ANK2: variants seen among roughly 807,000 people sequenced by gnomAD.
ANK2 encodes the protein ankyrin-2.
A neutral mutation model predicts 360.5 loss-of-function variants in ANK2; 83 were observed. The ratio of observed to expected loss-of-function variants is 0.23; its 90% CI spans 0.19 to 0.28. The LOEUF is 0.28. Among genes scored for constraint, ANK2 ranks in the 10% least tolerant of loss-of-function variants. The pLI is 1.00. For missense variants in ANK2, 4,201 were observed against 4,795.7 expected, an observed-to-expected ratio of 0.88 and a Z score of 3.66; for synonymous variants, 1,740 against 1,759.5, an observed-to-expected ratio of 0.99 and a Z score of 0.28.
intron 2 of ANK2, among the ~76,000 whole-genome samples, chr4:113,180,093 T>A (rs1318972294): frequency 6.6e-6 from 1 of 152,234 alleles, no homozygotes; most frequent in Non-Finnish European, 1.5e-5. Context: ...TTCAAAACAA[T>A]ATTAATGTTC....
At chr4:113,231,240 G>C (rs552291030) in intron 4 of ANK2, among the ~76,000 whole-genome samples, 38 of 151,938 alleles carry the variant, frequency 2.5e-4, no homozygotes, top group African/African-American at 5.8e-4. Context: ...TTTTAGTAGA[G>C]ACAGGGTTTC....
At chr4:112,843,632 C>T (rs560636723) in intron 1 of ANK2, among the ~76,000 whole-genome samples, 1 of 152,116 alleles carries the variant, frequency 6.6e-6, no homozygotes, top group South Asian at 2.1e-4. Flanking sequence ...GGAAAAAATG[C>T]AATTTTTCCC....
chr4:113,327,743 C>CA (rs1378212721), intron 26 of ANK2, among the ~76,000 whole-genome samples: 3 of 152,202 alleles, frequency 2.0e-5, no homozygotes, highest in African/African-American at 7.2e-5. Flanking sequence ...CATGTGACAT[C>CA]TGGGGCTTAC....
At chr4:112,816,974 G>A (rs1043739103), upstream of ANK2, among the ~76,000 whole-genome samples, 2 of 152,202 alleles carry the variant, frequency 1.3e-5, no homozygotes, top group Non-Finnish European at 2.9e-5. Flanking sequence ...TTGTGCCACT[G>A]CACTTCAGCC....
intron 2 of ANK2, among the ~76,000 whole-genome samples, chr4:112,929,754 A>C (rs1397643879): frequency 6.6e-6 from 1 of 152,164 alleles, no homozygotes; most frequent in African/African-American, 2.4e-5. Context: ...TCACTCTCAC[A>C]ATCTGCACTG....
intron 24 of ANK2, among the ~76,000 whole-genome samples, chr4:113,312,285 AAAAAAAAG>A (rs928363203): frequency 1.6e-4 from 24 of 151,806 alleles, no homozygotes; most frequent in African/African-American, 5.3e-4. Context: ...GACAGAAAAA[AAAAAAAAG>A]AAAAGAAAAG....
chr4:113,043,044 G>C (rs1190209942), intron 2 of ANK2, among the ~76,000 whole-genome samples: 1 of 152,074 alleles, frequency 6.6e-6, no homozygotes, highest in Non-Finnish European at 1.5e-5. Context: ...AACTAGCATG[G>C]GGTCCAGCAT....
chr4:113,159,698 T>G (rs1283104716), intron 1 of ANK2, among the ~76,000 whole-genome samples: 1 of 151,958 alleles, frequency 6.6e-6, no homozygotes, highest in Admixed American at 6.6e-5. Context: ...AAACTTTGCC[T>G]CCCGGGTTCA....
chr4:113,034,372 A>T, intron 2 of ANK2, among the ~76,000 whole-genome samples: 1 of 152,040 alleles, frequency 6.6e-6, no homozygotes, highest in East Asian at 1.9e-4. Flanking sequence ...ATTGATCAAG[A>T]AATACACACT....
At chr4:113,300,183 C>T (rs2074215970) in intron 22 of ANK2, among the ~76,000 whole-genome samples, 1 of 152,086 alleles carries the variant, frequency 6.6e-6, no homozygotes, top group Admixed American at 6.6e-5. Flanking sequence ...TTTCCTGCAG[C>T]ATTTAGTTTG....
intron 1 of ANK2, among the ~76,000 whole-genome samples, chr4:113,122,995 A>T (rs17683014): frequency 0.13 from 19,154 of 151,458 alleles, 1,499 homozygotes; most frequent in Non-Finnish European, 0.18. Flanking sequence ...TACAGCTGTC[A>T]AATTTGTGCA....
the ANK2 span, among the ~76,000 whole-genome samples, chr4:112,721,774 G>C: frequency 6.6e-6 from 1 of 152,096 alleles, no homozygotes; most frequent in African/African-American, 2.4e-5. Flanking sequence ...CTCATATGCA[G>C]GTGTGATGAA....
At chr4:112,965,481 T>C (rs1179082564) in intron 2 of ANK2, among the ~76,000 whole-genome samples, 1 of 152,210 alleles carries the variant, frequency 6.6e-6, no homozygotes, top group Non-Finnish European at 1.5e-5. Context: ...TGATTGTTTT[T>C]AACTTGACGT....
At chr4:113,271,106 G>T (rs921881554) in intron 14 of ANK2, among the ~76,000 whole-genome samples, 1 of 152,114 alleles carries the variant, frequency 6.6e-6, no homozygotes, top group Non-Finnish European at 1.5e-5. Context: ...CTCTGATTCC[G>T]CATCTTTCTC....
intron 1 of ANK2, among the ~76,000 whole-genome samples, chr4:113,102,267 A>G (rs949594036): frequency 2.6e-5 from 4 of 152,240 alleles, no homozygotes; most frequent in Middle Eastern, 3.4e-3. Flanking sequence ...TCAGGGATAG[A>G]TTGAATGTGG....
At chr4:113,100,217 C>T (rs1288243926) in intron 1 of ANK2, among the ~76,000 whole-genome samples, 1 of 151,938 alleles carries the variant, frequency 6.6e-6, no homozygotes, top group Non-Finnish European at 1.5e-5. Flanking sequence ...AAAATCTTTG[C>T]AAAACACATA....
intron 2 of ANK2, among the ~76,000 whole-genome samples, chr4:112,915,719 C>T (rs2151086539): frequency 6.6e-6 from 1 of 150,702 alleles, no homozygotes; most frequent in African/African-American, 2.5e-5. Context: ...TGCACCACTG[C>T]ACTCCAGCCT....
chr4:113,226,354 A>G (rs1023052356), intron 4 of ANK2, among the ~76,000 whole-genome samples: 3 of 152,104 alleles, frequency 2.0e-5, no homozygotes, highest in Admixed American at 2.0e-4. Context: ...CCCAGTAACA[A>G]TGCATTAATT....
chr4:113,137,813 A>T (rs1034624114), intron 1 of ANK2, among the ~76,000 whole-genome samples: 2 of 152,208 alleles, frequency 1.3e-5, no homozygotes, highest in Non-Finnish European at 2.9e-5. Flanking sequence ...ACCAAAGTTC[A>T]AAATGACAGC....
Sources: gnomAD v4.1 joint callset for allele counts (sites outside exome capture counted in the v4.1 genomes callset) on GRCh38, gnomAD v4.1.1 for gene constraint, MANE v1.5 for transcripts, NCBI Gene and HGNC (gene_info 2026-07-23, HGNC 2026-07-21) for gene names.